The following DIPK1A variants were observed in gnomAD, a reference collection of about 807,000 sequenced individuals.
The protein encoded by DIPK1A is divergent protein kinase domain 1A, also known as family with sequence similarity 69 member A.
A neutral mutation model predicts 40.8 loss-of-function variants in DIPK1A; 27 were observed. The ratio of observed to expected loss-of-function variants is 0.66; its 90% confidence interval spans 0.49 to 0.91. The LOEUF (loss-of-function observed/expected upper bound fraction) is 0.91. DIPK1A is among the 40% of genes least tolerant of loss of function. The pLI is 0.00. For synonymous variants in DIPK1A, 166 were observed against 171.3 expected (o/e 0.97, Z 0.24); for missense variants, 412 against 505.7 (o/e 0.81, Z 1.78).
chr1:92,862,725 T>C (rs1647336280), intron 2 of DIPK1A, among the ~76,000 whole-genome samples: 1 of 152,180 alleles, frequency 6.6e-6, no homozygotes, highest in African/African-American at 2.4e-5. Context: ...GGCGAACTCC[T>C]TACCATGAGA....
At chr1:92,845,253 G>C (rs1571047153) in intron 4 of DIPK1A, among the ~76,000 whole-genome samples, 1 of 145,714 alleles carries the variant, frequency 6.9e-6, no homozygotes, top group Admixed American at 6.8e-5. Context: ...GGCCTATATT[G>C]GTATTCCTTT....
chr1:92,841,912 T>C (rs72968037), downstream of DIPK1A: 574 of 1,379,454 alleles, frequency 4.2e-4, no homozygotes, highest in African/African-American at 6.5e-3. Flanking sequence ...AATAAACTTA[T>C]GAACAGCAAC....
intron 1 of DIPK1A, among the ~76,000 whole-genome samples, chr1:92,948,820 CT>C (rs1393706895): frequency 6.7e-6 from 1 of 148,374 alleles, no homozygotes; most frequent in African/African-American, 2.5e-5. Context: ...TTTTTCCCCC[CT>C]GAGGTGGAGT....
downstream of DIPK1A, among the ~76,000 whole-genome samples, chr1:92,837,965 T>C (rs992881704): frequency 6.6e-6 from 1 of 152,226 alleles, no homozygotes; most frequent in African/African-American, 2.4e-5. Flanking sequence ...TCATAGCATA[T>C]GTGTGCTATA....
chr1:92,954,464 A>G (rs968608668), intron 1 of DIPK1A, among the ~76,000 whole-genome samples: 2 of 143,172 alleles, frequency 1.4e-5, no homozygotes, highest in African/African-American at 5.3e-5. Context: ...TGCAACCTCC[A>G]ACTCCCGGGT....
chr1:92,917,997 G>C (rs939056840), intron 1 of DIPK1A, among the ~76,000 whole-genome samples: 1 of 151,942 alleles, frequency 6.6e-6, no homozygotes, highest in Non-Finnish European at 1.5e-5. Context: ...TAAAAATAGT[G>C]GAAAATAAGT....
At chr1:92,836,939 G>T in intron 4 of DIPK1A, 1 of 228,338 alleles carries the variant, frequency 4.4e-6, no homozygotes, top group Non-Finnish European at 8.8e-6. Flanking sequence ...AACTTCTTAG[G>T]AATATTTTAG....
intron 2 of DIPK1A, among the ~76,000 whole-genome samples, chr1:92,854,047 T>G (rs1217455808): frequency 6.6e-6 from 1 of 152,112 alleles, no homozygotes; most frequent in East Asian, 1.9e-4. Flanking sequence ...CCACTATGCC[T>G]GGTTAATTTT....
chr1:92,881,565 C>T (rs1328794459), intron 1 of DIPK1A, among the ~76,000 whole-genome samples: 1 of 152,074 alleles, frequency 6.6e-6, no homozygotes, highest in African/African-American at 2.4e-5. Flanking sequence ...GACCGCAAAA[C>T]AAAATGCCAA....
intron 2 of DIPK1A, among the ~76,000 whole-genome samples, chr1:92,875,093 T>C (rs1289068881): frequency 6.6e-6 from 1 of 152,184 alleles, no homozygotes; most frequent in Non-Finnish European, 1.5e-5. Context: ...TTTTGTATCC[T>C]AACTGATGAA....
chr1:92,944,291 G>C (rs1651282033), intron 1 of DIPK1A, among the ~76,000 whole-genome samples: 1 of 152,008 alleles, frequency 6.6e-6, no homozygotes. Flanking sequence ...AAAAAGAAGG[G>C]AGAAACTATT....
chr1:92,911,950 G>A (rs1279427554), intron 1 of DIPK1A, among the ~76,000 whole-genome samples: 1 of 129,738 alleles, frequency 7.7e-6, no homozygotes, highest in Non-Finnish European at 1.5e-5. Context: ...GTTGCAGTGA[G>A]CTGAGATTGT....
In DIPK1A at chr1:92,844,071, A is replaced by G; in HGVS notation, c.599T>C (p.Leu200Pro). 6.4e-7 allele frequency: 1 copy of G among 1,551,934 alleles called. No homozygotes were observed. The highest frequency in any genetic ancestry group is 1.2e-5 in the South Asian group (1 of 84,060). Residue 200 changes from leucine to proline, a missense_variant, in exon 5 of 5, where the codon CTG becomes CCG. Transcript: ENST00000370310. ...TATCACCATGAGAAGAAATTCATTC[A>G]GTTGAAGAAGTGCCCATGCCGACTT... ...EAKSAWALLQ[L>P]NEFLLMVILQ... is the part of the protein sequence containing the mutation.
chr1:92,950,168 A>T (rs1230833258), intron 1 of DIPK1A, among the ~76,000 whole-genome samples: 2 of 152,070 alleles, frequency 1.3e-5, no homozygotes, highest in Admixed American at 6.5e-5. Context: ...AAGGACAAGT[A>T]AAAAAAAGAC....
At chr1:92,837,594 G>C (rs767163981), downstream of DIPK1A, 4 of 1,612,104 alleles carry the variant, frequency 2.5e-6, no homozygotes, top group Admixed American at 5.0e-5. Flanking sequence ...ACAAGAAACA[G>C]TTCTCTCAAT....
At chr1:92,866,772 C>T (rs1452520662) in intron 2 of DIPK1A, among the ~76,000 whole-genome samples, 1 of 152,154 alleles carries the variant, frequency 6.6e-6, no homozygotes, top group Admixed American at 6.6e-5. Context: ...AAAAATGTTG[C>T]CTGTAGACAG....
Position 92,843,785 on chromosome 1 carries a change from A to G in DIPK1A, c.885T>C (p.Thr295=), listed in dbSNP as rs750635718. The G allele has an allele frequency of 6.4e-7, 1 of 1,551,918 alleles. No individual in the cohort carries two copies. Among genetic ancestry groups the G allele is most frequent in the South Asian group, 1.2e-5 (1 of 84,054 alleles). Residue 295 remains threonine (T), a synonymous_variant, in exon 5 of 5, where the codon ACT becomes ACC. Transcript: ENST00000370310. ...GPYGNFLMCD[T]SAKNLGYNDK... ...CATTATATCCTAGGTTTTTGGCACT[A>G]GTATCGCACATGAGGAAATTTCCGT...
intron 1 of DIPK1A, among the ~76,000 whole-genome samples, chr1:92,956,921 T>G (rs1651876135): frequency 6.6e-6 from 1 of 152,204 alleles, no homozygotes; most frequent in Non-Finnish European, 1.5e-5. Flanking sequence ...TTGAAAACCT[T>G]CAAAGGACCC....
At chr1:92,862,722 T>G (rs933219234) in intron 2 of DIPK1A, among the ~76,000 whole-genome samples, 2 of 152,178 alleles carry the variant, frequency 1.3e-5, no homozygotes, top group African/African-American at 4.8e-5. Flanking sequence ...AAAGGCGAAC[T>G]CCTTACCATG....
Sources: allele counts gnomAD v4.1 joint callset (sites outside exome capture counted in the v4.1 genomes callset), GRCh38; gene constraint gnomAD v4.1.1; transcripts MANE v1.5; gene names NCBI Gene and HGNC (gene_info 2026-07-23, HGNC 2026-07-21).